The following CLCN6 variants were observed in gnomAD, a reference collection of about 807,000 sequenced individuals.
The protein encoded by CLCN6 is H(+)/Cl(-) exchange transporter 6.
In CLCN6, 70 loss-of-function variants were observed where a neutral mutation model predicts 109.8. That is an observed-to-expected ratio of 0.64 (90% CI 0.53 to 0.78). The LOEUF is 0.78. CLCN6 is among the 30% of genes least tolerant of loss of function. The pLI is 0.00. For synonymous variants in CLCN6, 444 were observed against 447.8 expected, an observed-to-expected ratio of 0.99 and a Z score of 0.11; for missense variants, 984 against 1,142.3, an observed-to-expected ratio of 0.86 and a Z score of 2.00.
chr1:11,819,074 T>C (rs983057230), intron 4 of CLCN6, among the ~76,000 whole-genome samples: 3 of 152,242 alleles, frequency 2.0e-5, no homozygotes, highest in African/African-American at 7.2e-5. Context: ...ATGAGATTTT[T>C]CTGAGTTTTT....
rs1557432268 is a variant in CLCN6, at chr1:11,834,056, G to GCGCATGTGCAT, written c.1526+27_1526+37dup. 3.7e-6 allele frequency: 6 copies of GCGCATGTGCAT among 1,611,590 alleles called. No individual in the cohort carries two copies. The Admixed American group carries it at 1.0e-4, about 27-fold the overall frequency. On this transcript the variant is annotated intron_variant, in intron 15 of 22. Transcript: ENST00000346436. This position sits in a 1 kb window ranked among gnomAD's most constrained non-coding sequence, Gnocchi z 4.5. ...GTACTCTGTGTGTGTGCGTGTGTGT[G>GCGCATGTGCAT]CGCATGTGCATGTGTGTGCACGTGT...
intron 5 of CLCN6, among the ~76,000 whole-genome samples, chr1:11,820,945 G>A (rs188249535): frequency 2.6e-5 from 4 of 151,690 alleles, no homozygotes; most frequent in Non-Finnish European, 5.9e-5. Flanking sequence ...GCATGGTGGC[G>A]GGTGCCTGTA....
chr1:11,835,859 C>T, intron 17 of CLCN6, 108 bp from the exon 18 acceptor site: 3 of 833,532 alleles, frequency 3.6e-6, no homozygotes, highest in Non-Finnish European at 5.6e-6. Flanking sequence ...TTCAGAAGAG[C>T]CCCCCACCCC....
chr1:11,826,766 T>C (rs554276510), intron 9 of CLCN6, among the ~76,000 whole-genome samples: 49 of 152,216 alleles, frequency 3.2e-4, no homozygotes, highest in Admixed American at 2.6e-4. Context: ...GGTGGGAACA[T>C]GGTGCAGCAG....
At chr1:11,812,654 CAA>C (rs1420926682) in intron 2 of CLCN6, among the ~76,000 whole-genome samples, 1 of 131,978 alleles carries the variant, frequency 7.6e-6, no homozygotes, top group Admixed American at 8.0e-5. Flanking sequence ...AAAAAAAAGA[CAA>C]AGTATGTTTG....
At position 11,839,169 on chromosome 1, in the gene CLCN6, C is replaced by CA. The variant is rs1644988981; in HGVS notation, c.2529+515dup. ...AGGAAAATACAAAAACACATATGAG[C>CA]AAAAAACAAGCAAAAACCAAACCCT... is the stretch of plus-strand genomic sequence containing the variant. On this transcript the variant is annotated intron_variant, in intron 22 of 22. Transcript: ENST00000346436. The CA allele has an allele frequency of 6.8e-5, 39 of 570,080 alleles. No homozygotes were observed. The South Asian group carries it at 8.7e-4, about 13-fold the overall frequency. The allele number at this position is 570,080 out of a possible 1,614,324, so 35.3% of individuals were successfully genotyped here.
intron 9 of CLCN6, among the ~76,000 whole-genome samples, chr1:11,826,782 G>A (rs948429450): frequency 1.3e-5 from 2 of 152,168 alleles, no homozygotes; most frequent in South Asian, 2.1e-4. Flanking sequence ...AGCAGTGATC[G>A]TGCCGATCTT....
In CLCN6 at chr1:11,837,349, TCCCTAC is replaced by T; in HGVS notation, c.2149_2154del (p.Tyr717_Pro718del). The stretch of plus-strand genomic sequence containing the variant: ...TCTGGTTTTTGTGTAACAGATACAC[TCCCTAC>T]CCCAACCTATACCCTGACCAGTCCC... On this transcript the variant is annotated inframe_deletion, in exon 20 of 23. Coordinates refer to ENST00000346436, the MANE Select transcript of CLCN6 (RefSeq NM_001286.5). 1 of 1,610,492 alleles carries T rather than the reference TCCCTAC, an allele frequency of 6.2e-7. No individual in the cohort carries two copies. The highest frequency in any genetic ancestry group is 8.5e-7 in the Non-Finnish European group (1 of 1,176,970).
At chr1:11,820,505 G>A (rs915368323) in intron 5 of CLCN6, 5 of 604,498 alleles carry the variant, frequency 8.3e-6, no homozygotes, top group Non-Finnish European at 1.5e-5. Context: ...AGTGGCTCAC[G>A]CCTGTAATCC....
chr1:11,822,028 C>A (rs7554986), intron 5 of CLCN6, among the ~76,000 whole-genome samples: 36 of 151,158 alleles, frequency 2.4e-4, no homozygotes, highest in African/African-American at 8.2e-4. Flanking sequence ...GAAATACACA[C>A]AATAATTTCA....
intron 22 of CLCN6, among the ~76,000 whole-genome samples, chr1:11,839,542 G>A (rs898255434): frequency 6.6e-6 from 1 of 152,198 alleles, no homozygotes; most frequent in Non-Finnish European, 1.5e-5. Flanking sequence ...GATTACATGC[G>A]TCAGCCACTG....
chr1:11,838,031 C>T (rs1644972424), intron 20 of CLCN6, among the ~76,000 whole-genome samples: 1 of 152,168 alleles, frequency 6.6e-6, no homozygotes, highest in Admixed American at 6.5e-5. Context: ...GACACATTCA[C>T]CCCCCAGCCA....
At chr1:11,821,484 A>G (rs535967355) in intron 5 of CLCN6, among the ~76,000 whole-genome samples, 2 of 152,312 alleles carry the variant, frequency 1.3e-5, no homozygotes, top group Admixed American at 1.3e-4. Flanking sequence ...TGAACCCAGG[A>G]GGCGGAGGTT....
rs573846885 is a variant in CLCN6 at position 11,833,641 on chromosome 1, G to A, written c.1372+3G>A. On this transcript the variant is annotated splice_donor_region_variant and intron_variant, in intron 14 of 22. Transcript: ENST00000346436. Reference sequence around the variant, plus strand: ...CCTCCAGCTCTTCCACCAGGATGGTGAGTGTCTGCACTGCAGCCCAATCGT... The same window carrying A: ...CCTCCAGCTCTTCCACCAGGATGGTAAGTGTCTGCACTGCAGCCCAATCGT... 4.8e-5 allele frequency: 77 copies of A among 1,613,294 alleles called. 2 individuals are homozygous for A. The South Asian group carries it at 6.3e-4, about 13-fold the overall frequency.
rs865821040 is a variant in CLCN6 at position 11,820,281 on chromosome 1, C to T, written c.346+727C>T. The stretch of plus-strand genomic sequence containing the variant: ...TGTGCCTGGGCAGCATAGCAAGACC[C>T]TGTCTTAAAAAAAATGATGCTGGGA... On this transcript the variant is annotated intron_variant, in intron 5 of 22. Transcript: ENST00000346436. 3.5e-5 allele frequency: 24 copies of T among 682,312 alleles called. No individual in the cohort carries two copies. The Middle Eastern group carries it at 1.6e-3, about 45-fold the overall frequency. 42.3% of individuals were successfully genotyped at this position (682,312 alleles called of 1,614,324 possible).
At chr1:11,809,744 C>T (rs1644574063) in intron 2 of CLCN6, among the ~76,000 whole-genome samples, 1 of 152,206 alleles carries the variant, frequency 6.6e-6, no homozygotes, top group Non-Finnish European at 1.5e-5. Context: ...AAGCGTGAGC[C>T]ACCACGCGTG....
Position 11,842,040 on chromosome 1 carries a change from A to C in CLCN6, c.*1817A>C, listed in dbSNP as rs1017520817. On this transcript the variant is annotated 3_prime_UTR_variant, in exon 23 of 23. Transcript: ENST00000346436. ...TTATGGCAGTGTTCAGAGCTTGATC[A>C]CGTTATTTCTTCCTTTTATTAAGAA... 1 of 152,180 alleles carries C rather than the reference A, an allele frequency of 6.6e-6. No homozygotes were observed. Among genetic ancestry groups the C allele is most frequent in the South Asian group, 2.1e-4 (1 of 4,830 alleles). The allele number at this position is 152,180 out of a possible 1,614,324, so 9.4% of individuals were successfully genotyped here.
Position 11,840,237 on chromosome 1 carries a change from C to T in CLCN6, c.*14C>T. 2.5e-6 allele frequency: 4 copies of T among 1,608,700 alleles called. No homozygotes were observed. The highest frequency in any genetic ancestry group is 3.4e-6 in the Non-Finnish European group (4 of 1,177,594). ...CAGACCATCTGACAGCCCAGCCCACCCTCTCCTGGTGCTGCCTGGGGAGGC... is the reference window on the plus strand; with the variant it reads ...CAGACCATCTGACAGCCCAGCCCACTCTCTCCTGGTGCTGCCTGGGGAGGC... On this transcript the variant is annotated 3_prime_UTR_variant, in exon 23 of 23. Coordinates refer to ENST00000346436, the MANE Select transcript of CLCN6 (RefSeq NM_001286.5).
At position 11,828,588 on chromosome 1, in the gene CLCN6, G is replaced by T; in HGVS notation, c.1085G>T (p.Arg362Leu). ...NCLNKRLAKY[R>L]MRNVHPKPKL... ...CTGAACAAGAGGCTTGCAAAGTACCGTATGCGAAACGTGCACCCGAAACCT... is the reference window on the plus strand; with the variant it reads ...CTGAACAAGAGGCTTGCAAAGTACCTTATGCGAAACGTGCACCCGAAACCT... The change falls in exon 12 of 23, where the codon CGT becomes CTT. Residue 362 changes from arginine (R) to leucine (L), a missense_variant. Arg to Leu is a moderately radical substitution (Grantham distance 102). Transcript: ENST00000346436. The T allele has an allele frequency of 6.2e-7, 1 of 1,613,596 alleles. No individual in the cohort carries two copies. The highest frequency in any genetic ancestry group is 8.5e-7 in the Non-Finnish European group (1 of 1,179,788).
Sources: allele counts gnomAD v4.1 joint callset (sites outside exome capture counted in the v4.1 genomes callset), GRCh38; gene constraint gnomAD v4.1.1; non-coding constraint Gnocchi (gnomAD v3.1); transcripts MANE v1.5; gene names NCBI Gene and HGNC (gene_info 2026-07-23, HGNC 2026-07-21).